Variants in KCP observed in about 807,000 individuals in gnomAD.
The protein encoded by KCP is kielin cysteine rich BMP regulator.
In KCP, 194 loss-of-function variants were observed where a neutral mutation model predicts 212.7. The observed-to-expected ratio is 0.91, with a 90% CI of 0.81 to 1.03. The LOEUF is 1.03. Among genes scored for constraint, KCP ranks in the 50% least tolerant of loss-of-function variants. The pLI is 0.00. For missense variants in KCP, 2,080 were observed against 2,162.5 expected (o/e 0.96, Z 0.76); for synonymous variants, 833 against 865.3 (o/e 0.96, Z 0.65).
intron 29 of KCP, among the ~76,000 whole-genome samples, chr7:128,882,433 G>A (rs532659227): frequency 2.0e-5 from 3 of 152,244 alleles, no homozygotes; most frequent in South Asian, 2.1e-4. Context: ...TGCTTATTAG[G>A]TTGGATTAAT....
rs533486058 is a variant in KCP, at chr7:128,892,830, A to T, written c.1421-36T>A. On this transcript the variant is annotated intron_variant, in intron 14 of 39. Coordinates refer to ENST00000610776, the MANE Select transcript of KCP (RefSeq NM_001366122.1). Reference sequence around the variant, plus strand: ...CAGGCTGGTCAGGGTGAGCTGGGTAATGCAGGGGAAGAAAGCCAGGATCAG... The same window carrying T: ...CAGGCTGGTCAGGGTGAGCTGGGTATTGCAGGGGAAGAAAGCCAGGATCAG... 1.5e-4 allele frequency: 238 copies of T among 1,551,376 alleles called. No individual in the cohort carries two copies. The African/African-American group carries it at 2.7e-3, about 18-fold the overall frequency.
chr7:128,893,749 A>T, intron 11 of KCP, 57 bp downstream of exon 11: 1 of 1,510,254 alleles, frequency 6.6e-7, no homozygotes, highest in Non-Finnish European at 8.9e-7. Flanking sequence ...CCCCACACCT[A>T]CAGCCTCTCT....
chr7:128,883,064 C>CA (rs1254328977), intron 29 of KCP, among the ~76,000 whole-genome samples: 3 of 149,766 alleles, frequency 2.0e-5, no homozygotes, highest in Non-Finnish European at 4.4e-5. Context: ...GACTCCGTCT[C>CA]AAAAAAACCA....
intron 8 of KCP, among the ~76,000 whole-genome samples, chr7:128,901,621 G>C (rs902752929): frequency 3.4e-5 from 5 of 145,654 alleles, no homozygotes; most frequent in African/African-American, 1.4e-4. Flanking sequence ...GCAAGACTCC[G>C]CCTCAAAAAA....
In KCP at chr7:128,890,984, G is replaced by A; in HGVS notation, c.2085C>T (p.Ser695=). 2.3e-6 allele frequency: 3 copies of A among 1,311,736 alleles called. No homozygotes were observed. Among genetic ancestry groups the A allele is most frequent in the African/African-American group, 1.5e-5 (1 of 64,546 alleles). 81.3% of individuals were successfully genotyped at this position (1,311,736 alleles called of 1,614,324 possible). Residue 695 remains serine, a synonymous_variant, in exon 20 of 40, where the codon TCC becomes TCT. Transcript: ENST00000610776. The part of the protein sequence containing the change: ...PCRRCLCLDG[S]VSCQRLPCPP... ...GGCAGGGCAGCCGCTGGCAGGACAC[G>A]GAGCCGTCGAGGCAGAGGCAGCGGC...
At chr7:128,887,466 C>T (rs1387161835) in intron 22 of KCP, among the ~76,000 whole-genome samples, 166 bp from the exon 23 acceptor site, 1 of 151,194 alleles carries the variant, frequency 6.6e-6, no homozygotes, top group Non-Finnish European at 1.5e-5. Flanking sequence ...CAACCACATA[C>T]ACACACACAG....
intron 5 of KCP, among the ~76,000 whole-genome samples, chr7:128,904,750 G>A (rs539845494): frequency 6.6e-6 from 1 of 152,346 alleles, no homozygotes; most frequent in Admixed American, 6.5e-5. Flanking sequence ...GAGACCCAAA[G>A]GACTGGGTGC....
At chr7:128,882,115 A>G in intron 29 of KCP, 99 bp from the exon 30 acceptor site, 1 of 842,546 alleles carries the variant, frequency 1.2e-6, no homozygotes, top group African/African-American at 1.7e-5. Flanking sequence ...TTCTAACTCG[A>G]ACTCCTGAGC....
chr7:128,886,849 G>A, intron 24 of KCP, 27 bp downstream of exon 24: 1 of 1,449,352 alleles, frequency 6.9e-7, no homozygotes, highest in Non-Finnish European at 9.5e-7. Flanking sequence ...AAGGGCATGG[G>A]GGCCGCGCAT....
chr7:128,880,361 C>T (rs1168996398), intron 34 of KCP, 25 bp downstream of exon 34: 2 of 1,499,176 alleles, frequency 1.3e-6, no homozygotes, highest in African/African-American at 2.8e-5. Flanking sequence ...TGACCCTCCC[C>T]ACCATTTTAG....
In KCP at chr7:128,880,113, C is replaced by T. The variant is rs760828533; in HGVS notation, c.3760-28G>A. 10 of 1,497,646 alleles carry T rather than the reference C, an allele frequency of 6.7e-6. No homozygotes were observed. In the East Asian group the frequency reaches 2.2e-4, roughly 33 times the overall value. The allele number at this position is 1,497,646 out of a possible 1,614,324, so 92.8% of individuals were successfully genotyped here. On this transcript the variant is annotated intron_variant, in intron 34 of 39. Transcript: ENST00000610776. ...GCACTCAGCCCCAGACACTGTCAGA[C>T]ACACCGCCCTCCCCGCCATGCCTCT...
chr7:128,880,357 T>TC, intron 34 of KCP, 29 bp downstream of exon 34: 1 of 783,098 alleles, frequency 1.3e-6, no homozygotes, highest in Non-Finnish European at 1.9e-6. Context: ...ACCCTGACCC[T>TC]CCCCACCATT....
intron 2 of KCP, among the ~76,000 whole-genome samples, chr7:128,908,143 GAA>G (rs1392789470): frequency 2.6e-4 from 24 of 93,910 alleles, no homozygotes; most frequent in African/African-American, 1.4e-3. Flanking sequence ...AAAAAAAAAA[GAA>G]AGAGAGAGAG....
At chr7:128,883,613 G>A (rs2128945064) in intron 29 of KCP, among the ~76,000 whole-genome samples, 1 of 152,234 alleles carries the variant, frequency 6.6e-6, no homozygotes, top group Admixed American at 6.5e-5. Context: ...TTCAATATTT[G>A]TAATAAAAAT....
intron 8 of KCP, among the ~76,000 whole-genome samples, chr7:128,898,744 G>T (rs573217100): frequency 7.4e-4 from 113 of 152,332 alleles, no homozygotes; most frequent in African/African-American, 2.5e-3. Context: ...AAAGCTGAAG[G>T]TTTGAGCAAG....
chr7:128,877,216 G>C lies in KCP; in HGVS notation c.4714C>G (p.Leu1572Val), dbSNP rs548031634. 6.8e-7 allele frequency: 1 copy of C among 1,476,740 alleles called. No individual in the cohort carries two copies. The highest frequency in any genetic ancestry group is 2.8e-5 in the Admixed American group (1 of 36,044). 91.5% of individuals were successfully genotyped at this position (1,476,740 alleles called of 1,614,324 possible). Reference protein sequence around the residue: ...CFNQHIPLGELAAHCVRPCVP... With the variant: ...CFNQHIPLGEVAAHCVRPCVP... ...CAGGGCCTCACGCAGTGGGCTGCCA[G>C]CTCCCCCAGGGGGATATGCTGATTG... Residue 1572 changes from leucine to valine, a missense_variant, in exon 40 of 40, where the codon CTG becomes GTG. Transcript: ENST00000610776.
rs944607174 is a variant in KCP, at chr7:128,887,056, C to T, written c.2599-90G>A. On this transcript the variant is annotated intron_variant, in intron 23 of 39. Transcript: ENST00000610776. The stretch of plus-strand genomic sequence containing the variant: ...ACTGAGCCTGCAGGGGCCCAAACAC[C>T]CTCCCTTGGCCCGGGACACCTGAGC... The T allele has an allele frequency of 2.1e-5, 21 of 1,014,544 alleles. No individual in the cohort carries two copies. In the Admixed American group the frequency reaches 2.3e-4, roughly 11 times the overall value. The allele number at this position is 1,014,544 out of a possible 1,614,324, so 62.8% of individuals were successfully genotyped here.
At position 128,879,902 on chromosome 7, in the gene KCP, G is replaced by A. The variant is rs1197279962; in HGVS notation, c.3932+11C>T. 1.3e-6 allele frequency: 2 copies of A among 1,551,238 alleles called. No homozygotes were observed. Among genetic ancestry groups the A allele is most frequent in the South Asian group, 2.4e-5 (2 of 84,060 alleles). On this transcript the variant is annotated intron_variant, in intron 35 of 39. Coordinates refer to ENST00000610776, the MANE Select transcript of KCP (RefSeq NM_001366122.1). ...TAGGGGTTGGGGAGAAGAGAGACAG[G>A]GGATGCACACCTGAAGTCCCCGCTG... is the stretch of plus-strand genomic sequence containing the variant.
At chr7:128,890,745 C>G (rs1794058519) in intron 20 of KCP, among the ~76,000 whole-genome samples, 160 bp downstream of exon 20, 1 of 151,744 alleles carries the variant, frequency 6.6e-6, no homozygotes, top group Non-Finnish European at 1.5e-5. Context: ...GAGGGCCGTG[C>G]CGGCTGGCTC....
Sources: gnomAD v4.1 joint callset for allele counts (sites outside exome capture counted in the v4.1 genomes callset) on GRCh38, gnomAD v4.1.1 for gene constraint, MANE v1.5 for transcripts, NCBI Gene and HGNC (gene_info 2026-07-23, HGNC 2026-07-21) for gene names.